The following MYO1D variants were observed in gnomAD, a reference collection of about 807,000 sequenced individuals.
The protein encoded by MYO1D is unconventional myosin-Id.
In MYO1D, 83 loss-of-function variants were observed where a neutral mutation model predicts 122.0. The ratio of observed to expected loss-of-function variants is 0.68; its 90% CI spans 0.57 to 0.82. The LOEUF is 0.82. Among genes scored for constraint, MYO1D ranks in the 40% least tolerant of loss-of-function variants. The pLI is 0.00. For missense variants in MYO1D, 1,157 were observed against 1,269.5 expected (o/e 0.91, Z 1.35); for synonymous variants, 464 against 446.9 (o/e 1.04, Z -0.48).
chr17:32,856,265 G>A (rs1003441389), intron 1 of MYO1D, among the ~76,000 whole-genome samples: 2 of 152,044 alleles, frequency 1.3e-5, no homozygotes, highest in South Asian at 2.1e-4. Flanking sequence ...AGATTCCAGC[G>A]CTTCACATCT....
At chr17:32,524,764 T>C (rs532867573) in intron 21 of MYO1D, among the ~76,000 whole-genome samples, 1 of 152,288 alleles carries the variant, frequency 6.6e-6, no homozygotes, top group Non-Finnish European at 1.5e-5. Flanking sequence ...GGTTTCACCA[T>C]GTTGGTTAGG....
intron 21 of MYO1D, among the ~76,000 whole-genome samples, chr17:32,515,453 G>A (rs1012310278): frequency 6.6e-6 from 1 of 151,958 alleles, no homozygotes; most frequent in African/African-American, 2.4e-5. Context: ...CTCCATGCCC[G>A]GCTAATTTTT....
chr17:32,808,732 C>T (rs1431639998), intron 1 of MYO1D, among the ~76,000 whole-genome samples: 1 of 152,238 alleles, frequency 6.6e-6, no homozygotes, highest in Non-Finnish European at 1.5e-5. Context: ...ACTCTTTTTC[C>T]ACCATGTAAT....
In MYO1D at chr17:32,738,322, C is replaced by T. The variant is rs761766690; in HGVS notation, c.1677G>A (p.Lys559=). The change falls in exon 14 of 22, where the codon AAG becomes AAA. Residue 559 remains lysine, a synonymous_variant. Coordinates refer to ENST00000318217, the MANE Select transcript of MYO1D (RefSeq NM_015194.3). The part of the protein sequence containing the change: ...EGKLSITEVT[K]RPLTAATLFK... The stretch of plus-strand genomic sequence containing the variant: ...ACAAGGTAGCAGCAGTCAGAGGTCG[C>T]TTGGTCACCTCTGTAATGCTCAGTT... 2 of 1,610,924 alleles carry T rather than the reference C, an allele frequency of 1.2e-6. No homozygotes were observed. Among genetic ancestry groups the T allele is most frequent in the African/African-American group, 2.7e-5 (2 of 75,000 alleles).
At chr17:32,616,755 A>C (rs1276524676) in intron 20 of MYO1D, among the ~76,000 whole-genome samples, 2 of 152,226 alleles carry the variant, frequency 1.3e-5, no homozygotes, top group African/African-American at 4.8e-5. Flanking sequence ...TCACCCCTTC[A>C]ATCTAGGCTT....
At chr17:32,800,706 T>G in intron 1 of MYO1D, among the ~76,000 whole-genome samples, 1 of 152,088 alleles carries the variant, frequency 6.6e-6, no homozygotes, top group East Asian at 1.9e-4. Flanking sequence ...TTTTTTTTTG[T>G]TTTTATTTTT....
intron 1 of MYO1D, among the ~76,000 whole-genome samples, chr17:32,868,535 A>T (rs564208788): frequency 2.6e-5 from 4 of 152,332 alleles, no homozygotes; most frequent in African/African-American, 9.6e-5. Context: ...ACTTTGTCTT[A>T]GTGAGGGAGG....
chr17:32,725,889 G>A (rs1376563181), intron 14 of MYO1D, among the ~76,000 whole-genome samples: 3 of 152,154 alleles, frequency 2.0e-5, no homozygotes, highest in African/African-American at 7.2e-5. Flanking sequence ...CAAAGAGACA[G>A]ACTGACAGCT....
At chr17:32,642,779 C>T (rs560963460) in intron 19 of MYO1D, among the ~76,000 whole-genome samples, 10 of 152,122 alleles carry the variant, frequency 6.6e-5, no homozygotes, top group African/African-American at 2.4e-4. Flanking sequence ...GATTTTGCAT[C>T]CTGAGAGTTT....
chr17:32,797,220 C>T lies in MYO1D; in HGVS notation c.96-16436G>A, dbSNP rs905480296. ...TCCTGACCTCGTGATCCACCCGCCT[C>T]GGCCTCCCAAAGTGCTGGGATTACA... is the stretch of plus-strand genomic sequence containing the variant. On this transcript the variant is annotated intron_variant, in intron 1 of 21. Coordinates refer to ENST00000318217, the MANE Select transcript of MYO1D (RefSeq NM_015194.3). Among the ~76,000 whole-genome samples the T allele has an allele frequency of 6.6e-5, 10 of 152,246 alleles. No homozygotes were observed. The East Asian group carries it at 1.5e-3, about 23-fold the overall frequency.
intron 8 of MYO1D, among the ~76,000 whole-genome samples, chr17:32,763,644 G>A (rs915579608): frequency 1.3e-5 from 2 of 152,202 alleles, no homozygotes; most frequent in African/African-American, 2.4e-5. Flanking sequence ...TATATGGCAG[G>A]TGCGGTGGCT....
At chr17:32,576,918 G>C (rs1409237720) in intron 21 of MYO1D, among the ~76,000 whole-genome samples, 1 of 152,144 alleles carries the variant, frequency 6.6e-6, no homozygotes, top group Non-Finnish European at 1.5e-5. Flanking sequence ...GGGCTCAAAA[G>C]ATCTTCCTGC....
intron 21 of MYO1D, among the ~76,000 whole-genome samples, chr17:32,551,437 C>G (rs2087014204): frequency 6.6e-6 from 1 of 152,144 alleles, no homozygotes; most frequent in African/African-American, 2.4e-5. Flanking sequence ...CTTGTATATC[C>G]TGAAAGCACC....
chr17:32,776,158 CA>C lies in MYO1D; in HGVS notation c.399-130del, dbSNP rs574192656. ...CTAACTCCAGCACTGTTTGCAATATCAAAAAAAAAACAAACAAATTAATGTC... is the reference window on the plus strand; with the variant it reads ...CTAACTCCAGCACTGTTTGCAATATCAAAAAAAAACAAACAAATTAATGTC... On this transcript the variant is annotated intron_variant, in intron 3 of 21. Coordinates refer to ENST00000318217, the MANE Select transcript of MYO1D (RefSeq NM_015194.3). The C allele has an allele frequency of 5.3e-3, 3,205 of 599,288 alleles. 6 individuals carry two copies. Among genetic ancestry groups the C allele is most frequent in the South Asian group, 0.017 (579 of 33,978 alleles). 37.1% of individuals were successfully genotyped at this position (599,288 alleles called of 1,614,324 possible). A position where few individuals can be genotyped will look rare whatever the true frequency, so the allele number is the denominator to read the frequency against.
Position 32,837,283 on chromosome 17 carries a change from C to CTTTT in MYO1D, c.95+39491_95+39494dup, listed in dbSNP as rs10692549. On this transcript the variant is annotated intron_variant, in intron 1 of 21. Coordinates refer to ENST00000318217, the MANE Select transcript of MYO1D (RefSeq NM_015194.3). Reference sequence around the variant, plus strand: ...TTTTTTTTTTAACTGGGCTGTTTGTCTTTTTTTTTCTTTTGGTAGTTCTTT... The same window carrying CTTTT: ...TTTTTTTTTTAACTGGGCTGTTTGTCTTTTTTTTTTTTTCTTTTGGTAGTTCTTT... Among the ~76,000 whole-genome samples, 434 of 132,688 alleles carry CTTTT rather than the reference C, an allele frequency of 3.3e-3. 4 individuals are homozygous for CTTTT. The highest frequency in any genetic ancestry group is 0.011 in the African/African-American group (387 of 35,726). The allele number at this position is 132,688 out of a possible 152,430, so 87.0% of individuals were successfully genotyped here.
intron 21 of MYO1D, among the ~76,000 whole-genome samples, chr17:32,534,948 T>C (rs1382112431): frequency 6.6e-6 from 1 of 152,122 alleles, no homozygotes; most frequent in African/African-American, 2.4e-5. Context: ...CAACTACGTA[T>C]AGAGAATGGA....
intron 1 of MYO1D, among the ~76,000 whole-genome samples, chr17:32,854,426 T>C (rs1352420727): frequency 6.6e-6 from 1 of 152,226 alleles, no homozygotes; most frequent in Non-Finnish European, 1.5e-5. Flanking sequence ...GAAATAAACC[T>C]GAATGTGAAA....
chr17:32,862,878 C>G (rs144229619), intron 1 of MYO1D: 1 of 152,154 alleles, frequency 6.6e-6, no homozygotes, highest in Non-Finnish European at 1.5e-5. Flanking sequence ...ACAGTGGCTC[C>G]GAGCCTGGCT....
intron 16 of MYO1D, among the ~76,000 whole-genome samples, chr17:32,680,795 T>C (rs1268405247): frequency 6.6e-6 from 1 of 152,228 alleles, no homozygotes; most frequent in African/African-American, 2.4e-5. Flanking sequence ...TCCCTCTTTT[T>C]CTATTGATTG....
Sources: allele counts gnomAD v4.1 joint callset (sites outside exome capture counted in the v4.1 genomes callset), GRCh38; gene constraint gnomAD v4.1.1; transcripts MANE v1.5; gene names NCBI Gene and HGNC (gene_info 2026-07-23, HGNC 2026-07-21).